Variants in TSPEAR observed in about 807,000 individuals in gnomAD.
TSPEAR encodes thrombospondin type laminin G domain and EAR repeats, also known as thrombospondin-type laminin G domain and EAR repeat-containing protein.
In TSPEAR, 69 loss-of-function variants were observed where a neutral mutation model predicts 71.6. The ratio of observed to expected loss-of-function variants is 0.96; its 90% confidence interval spans 0.79 to 1.18. The LOEUF is 1.18. Among genes scored for constraint, TSPEAR ranks in the 50% most tolerant of loss-of-function variants. The pLI, the probability that TSPEAR is intolerant of heterozygous loss-of-function variation, is 0.00. For missense variants in TSPEAR, 971 were observed against 894.9 expected, an observed-to-expected ratio of 1.09 and a Z score of -1.09; for synonymous variants, 402 against 387.2, an observed-to-expected ratio of 1.04 and a Z score of -0.45.
intron 2 of TSPEAR, among the ~76,000 whole-genome samples, chr21:44,554,350 G>C (rs587605893): frequency 2.0e-5 from 3 of 152,282 alleles, no homozygotes; most frequent in Admixed American, 6.5e-5. Flanking sequence ...AGAAAGAAAT[G>C]CCTGCTGCTC....
intron 1 of TSPEAR, chr21:44,647,262 C>G: frequency 2.5e-6 from 4 of 1,601,810 alleles, no homozygotes; most frequent in Non-Finnish European, 3.4e-6. Context: ...CCAGCTGCTG[C>G]CGCCCGGCCT....
intron 1 of TSPEAR, among the ~76,000 whole-genome samples, chr21:44,650,092 G>A (rs1203062297): frequency 6.6e-6 from 1 of 152,080 alleles, no homozygotes; most frequent in South Asian, 2.1e-4. Flanking sequence ...GAACATGGTG[G>A]TGTGCACCTC....
At chr21:44,503,254 GC>G in intron 11 of TSPEAR, among the ~76,000 whole-genome samples, 2 of 139,876 alleles carry the variant, frequency 1.4e-5, no homozygotes, top group African/African-American at 2.7e-5. Context: ...ACGGGGGGAA[GC>G]AGTGTGCTGG....
chr21:44,659,519 GA>G (rs1475809684), intron 1 of TSPEAR, among the ~76,000 whole-genome samples: 1 of 152,292 alleles, frequency 6.6e-6, no homozygotes, highest in East Asian at 1.9e-4. Context: ...CGCATTTCCA[GA>G]AGGAACTGAT....
rs150479540 is a variant in TSPEAR, at chr21:44,556,795, T to C, written c.303+10990A>G. On this transcript the variant is annotated intron_variant, in intron 2 of 11. Coordinates refer to ENST00000323084, the MANE Select transcript of TSPEAR (RefSeq NM_144991.3). ...AAACAATTGAAAACACTAGGAAGAA[T>C]CTTCCTAGTTGCAACAGGAAACTGG... Among the ~76,000 whole-genome samples the C allele has an allele frequency of 5.5e-4, 84 of 152,286 alleles. 1 individual carries two copies. In the East Asian group the frequency reaches 0.016, roughly 29 times the overall value.
intron 2 of TSPEAR, among the ~76,000 whole-genome samples, chr21:44,549,251 T>C (rs1021041588): frequency 1.3e-5 from 2 of 151,574 alleles, no homozygotes; most frequent in Admixed American, 1.3e-4. Flanking sequence ...TGCCTGGGCG[T>C]GTAGGAAAAG....
At chr21:44,633,167 A>C (rs1983352701) in intron 1 of TSPEAR, among the ~76,000 whole-genome samples, 1 of 152,148 alleles carries the variant, frequency 6.6e-6, no homozygotes, top group South Asian at 2.1e-4. Flanking sequence ...CTTTCAAAAA[A>C]CTAATTTTAG....
intron 2 of TSPEAR, chr21:44,539,838 A>G: frequency 6.3e-7 from 1 of 1,575,500 alleles, no homozygotes; most frequent in Non-Finnish European, 8.6e-7. Flanking sequence ...ACAGGCTTGC[A>G]GCAGACGGGC....
chr21:44,656,107 T>C (rs2838615), intron 1 of TSPEAR, among the ~76,000 whole-genome samples: 4 of 152,070 alleles, frequency 2.6e-5, no homozygotes, highest in Non-Finnish European at 5.9e-5. Context: ...TTCACTGCTA[T>C]AGTTCAGAAT....
chr21:44,638,599 C>A lies in TSPEAR; in HGVS notation c.83-70594G>T, dbSNP rs377441631. 5.3e-4 allele frequency: 126 copies of A among 238,200 alleles called. No homozygotes were observed. The East Asian group carries it at 0.011, about 21-fold the overall frequency. 14.8% of individuals were successfully genotyped at this position (238,200 alleles called of 1,614,324 possible). On this transcript the variant is annotated intron_variant, in intron 1 of 11. Coordinates refer to ENST00000323084, the MANE Select transcript of TSPEAR (RefSeq NM_144991.3). Reference sequence around the variant, plus strand: ...TCGACCTTCCATCCTGTCTGTGGACCCCCGAGGGGCATGGGATGAGGCAGG... The same window carrying A: ...TCGACCTTCCATCCTGTCTGTGGACACCCGAGGGGCATGGGATGAGGCAGG...
At chr21:44,523,693 A>T (rs2052784702) in intron 8 of TSPEAR, among the ~76,000 whole-genome samples, 1 of 150,260 alleles carries the variant, frequency 6.7e-6, no homozygotes, top group African/African-American at 2.5e-5. Flanking sequence ...AGCCAGTCAG[A>T]TAGGCAGGTA....
At chr21:44,607,553 C>T (rs782157776) in intron 1 of TSPEAR, among the ~76,000 whole-genome samples, 2 of 152,168 alleles carry the variant, frequency 1.3e-5, no homozygotes, top group Non-Finnish European at 2.9e-5. Flanking sequence ...TTGTGGTAGG[C>T]AAAGACTTCG....
At chr21:44,683,674 A>G (rs1986724061) in intron 1 of TSPEAR, among the ~76,000 whole-genome samples, 1 of 126,716 alleles carries the variant, frequency 7.9e-6, no homozygotes, top group African/African-American at 3.1e-5. Context: ...GTCTCAAAAA[A>G]CAAATCATCA....
intron 1 of TSPEAR, chr21:44,579,363 G>T (rs1162376713): frequency 1.5e-5 from 4 of 266,544 alleles, no homozygotes; most frequent in Non-Finnish European, 2.8e-5. Flanking sequence ...GTGACTTCTA[G>T]GTTAAGTCAC....
intron 9 of TSPEAR, chr21:44,518,365 C>A (rs2052651296): frequency 4.5e-6 from 2 of 449,226 alleles, no homozygotes; most frequent in South Asian, 3.3e-5. Context: ...ATCTTGAGCA[C>A]CTTGGTGCAG....
rs182179116 is a variant in TSPEAR at position 44,659,436 on chromosome 21, C to T, written c.82+51997G>A. 3.9e-5 allele frequency among the ~76,000 whole-genome samples: 6 copies of T among 152,276 alleles called. No individual in the cohort carries two copies. In the South Asian group the frequency reaches 8.3e-4, roughly 21 times the overall value. ...CACAGTAACAACAAAACCCAAACCA[C>T]GGTCAGTGTCTGACCAGATTGACTC... On this transcript the variant is annotated intron_variant, in intron 1 of 11. Coordinates refer to ENST00000323084, the MANE Select transcript of TSPEAR (RefSeq NM_144991.3).
intron 1 of TSPEAR, among the ~76,000 whole-genome samples, chr21:44,569,687 C>G (rs9975133): frequency 0.012 from 1,794 of 152,210 alleles, 37 homozygotes; most frequent in African/African-American, 0.041. Flanking sequence ...TGTGAGGAGG[C>G]TTTGCCGCTT....
chr21:44,536,852 T>C (rs1208725621), intron 2 of TSPEAR, among the ~76,000 whole-genome samples: 1 of 152,180 alleles, frequency 6.6e-6, no homozygotes, highest in Non-Finnish European at 1.5e-5. Context: ...GAGCTAAACA[T>C]ATGGTTTGAT....
At chr21:44,591,589 C>T (rs1979848121) in intron 1 of TSPEAR, 2 of 1,613,226 alleles carry the variant, frequency 1.2e-6, no homozygotes, top group Non-Finnish European at 1.7e-6. Context: ...GGAGGAGGAT[C>T]TGCAGCAGGA....
Sources: allele counts gnomAD v4.1 joint callset (sites outside exome capture counted in the v4.1 genomes callset), GRCh38; gene constraint gnomAD v4.1.1; transcripts MANE v1.5; gene names NCBI Gene and HGNC (gene_info 2026-07-23, HGNC 2026-07-21).